Variants in OR6P1 observed in about 807,000 individuals in gnomAD.
OR6P1 encodes olfactory receptor family 6 subfamily P member 1, also known as olfactory receptor 6P1.
OR6P1 carries 5 observed loss-of-function variants against 6.6 expected under a neutral mutation model. The observed-to-expected ratio is 0.76, with a 90% CI of 0.40 to 1.60. The LOEUF (loss-of-function observed/expected upper bound fraction) is 1.60. OR6P1 is among the 40% of genes most tolerant of loss of function. OR6P1 has a pLI of 0.02. For synonymous variants in OR6P1, 177 were observed against 149.6 expected (o/e 1.18, Z -1.33); for missense variants, 451 against 383.0 (o/e 1.18, Z -1.48).
rs898088116 is a variant in OR6P1 at position 158,561,268 on chromosome 1, T to C, written c.*1383A>G. On this transcript the variant is annotated 3_prime_UTR_variant, in exon 3 of 3. Transcript: ENST00000641540. Reference sequence around the variant, plus strand: ...AATTCTATGAAAGGAGAGGAGAATGTAATGTAAATTGAGCTATGTTCAGAG... The same window carrying C: ...AATTCTATGAAAGGAGAGGAGAATGCAATGTAAATTGAGCTATGTTCAGAG... The C allele has an allele frequency of 3.3e-5, 5 of 152,202 alleles. No homozygotes were observed. Among genetic ancestry groups the C allele is most frequent in the African/African-American group, 9.6e-5 (4 of 41,462 alleles). The allele number at this position is 152,202 out of a possible 1,614,324, so 9.4% of individuals were successfully genotyped here. A position where few individuals can be genotyped will look rare whatever the true frequency, so the allele number is the denominator to read the frequency against.
intron 1 of OR6P1, among the ~76,000 whole-genome samples, chr1:158,568,964 G>A (rs1009402823): frequency 3.9e-5 from 6 of 152,032 alleles, no homozygotes; most frequent in Non-Finnish European, 1.5e-5. Context: ...CATAACCAAC[G>A]TATATTTATC....
intron 1 of OR6P1, among the ~76,000 whole-genome samples, chr1:158,569,204 C>T (rs1357813335): frequency 6.6e-6 from 1 of 152,148 alleles, no homozygotes; most frequent in African/African-American, 2.4e-5. Flanking sequence ...TATTGTAAAG[C>T]ACATTGGTGA....
rs1403559973 is a variant in OR6P1 at position 158,562,369 on chromosome 1, A to T, written c.*282T>A. 1 of 380,218 alleles carries T rather than the reference A, an allele frequency of 2.6e-6. No individual in the cohort carries two copies. The highest frequency in any genetic ancestry group is 4.8e-6 in the Non-Finnish European group (1 of 208,952). 23.6% of individuals were successfully genotyped at this position (380,218 alleles called of 1,614,324 possible). A position where few individuals can be genotyped will look rare whatever the true frequency, so the allele number is the denominator to read the frequency against. ...TGAATATTATTCACGGCAGGGTTAC[A>T]TTCCACACATACTCAGTAAGACTCT... On this transcript the variant is annotated 3_prime_UTR_variant, in exon 3 of 3. Coordinates refer to ENST00000641540, the MANE Select transcript of OR6P1 (RefSeq NM_001160325.2).
chr1:158,563,562 C>A lies in OR6P1; in HGVS notation c.43G>T (p.Val15Leu), dbSNP rs751766716. 1.9e-6 allele frequency: 3 copies of A among 1,550,158 alleles called. No homozygotes were observed. The highest frequency in any genetic ancestry group is 1.7e-4 in the Middle Eastern group (1 of 5,974). Residue 15 changes from valine (V) to leucine (L), a missense_variant, in exon 3 of 3, where the codon GTG becomes TTG. By Grantham distance (32) the Val-to-Leu change is conservative. Coordinates refer to ENST00000641540, the MANE Select transcript of OR6P1 (RefSeq NM_001160325.2). Reference sequence around the variant, plus strand: ...AGGGGAGGCGTGGTAGGGAAACCCACCAAGACAAACTCCTCGACATGGCCT... The same window carrying A: ...AGGGGAGGCGTGGTAGGGAAACCCAACAAGACAAACTCCTCGACATGGCCT... The part of the protein sequence containing the change: ...SGGHVEEFVL[V>L]GFPTTPPLQL...
chr1:158,563,381 T>A lies in OR6P1; in HGVS notation c.224A>T (p.Asn75Ile). The A allele has an allele frequency of 6.4e-7, 1 of 1,551,488 alleles. No individual in the cohort carries two copies. Among genetic ancestry groups the A allele is most frequent in the Non-Finnish European group, 8.7e-7 (1 of 1,146,908 alleles). ...TGCCAAGAGCCGAGGAATGGTGACA[T>A]TGATGTACCATAGCTCCAGGAAAGA... ...HLSFLELWYINVTIPRLLAAF... is the reference protein window; with the variant it reads ...HLSFLELWYIIVTIPRLLAAF... Residue 75 changes from asparagine (N) to isoleucine (I), a missense_variant, in exon 3 of 3, where the codon AAT becomes ATT. Coordinates refer to ENST00000641540, the MANE Select transcript of OR6P1 (RefSeq NM_001160325.2).
intron 1 of OR6P1, among the ~76,000 whole-genome samples, chr1:158,569,635 C>T (rs1002449826): frequency 5.3e-5 from 8 of 152,192 alleles, no homozygotes; most frequent in Admixed American, 1.3e-4. Flanking sequence ...AATAATAATT[C>T]ATTACTCTGT....
At position 158,563,236 on chromosome 1, in the gene OR6P1, G is replaced by GTAGC. The variant is rs1648005875; in HGVS notation, c.365_368dup (p.Tyr123Ter). The GTAGC allele has an allele frequency of 4.5e-6, 7 of 1,551,590 alleles. No homozygotes were observed. Among genetic ancestry groups the GTAGC allele is most frequent in the Non-Finnish European group, 5.2e-6 (6 of 1,146,968 alleles). On this transcript the variant is annotated stop_gained and frameshift_variant, in exon 3 of 3. Coordinates refer to ENST00000641540, the MANE Select transcript of OR6P1 (RefSeq NM_001160325.2). LOFTEE classifies it high-confidence loss of function. Reference sequence around the variant, plus strand: ...AAAGGAGGGGTCCACAGATGGCCAGGTAGCGATCATAGGCCATAACTGCCA... The same window carrying GTAGC: ...AAAGGAGGGGTCCACAGATGGCCAGGTAGCTAGCGATCATAGGCCATAACTGCCA...
chr1:158,561,745 A>C lies in OR6P1; in HGVS notation c.*906T>G, dbSNP rs1647958030. ...GAGACATCCCAATTGCCATAGAGAT[A>C]TCTGCATCCTATCTATGGCTCTTCA... On this transcript the variant is annotated 3_prime_UTR_variant, in exon 3 of 3. Transcript: ENST00000641540. 1 of 152,226 alleles carries C rather than the reference A, an allele frequency of 6.6e-6. No individual in the cohort carries two copies. The highest frequency in any genetic ancestry group is 2.1e-4 in the South Asian group (1 of 4,834). The allele number at this position is 152,226 out of a possible 1,614,324, so 9.4% of individuals were successfully genotyped here. A position where few individuals can be genotyped will look rare whatever the true frequency, so the allele number is the denominator to read the frequency against.
In OR6P1 at chr1:158,562,834, G is replaced by T. The variant is rs1003965398; in HGVS notation, c.771C>A (p.Phe257Leu). The change falls in exon 3 of 3, where the codon TTC (phenylalanine) becomes TTA (leucine). Residue 257 changes from phenylalanine (F) to leucine (L), a missense_variant. Phe to Leu is a conservative substitution (Grantham distance 22). Coordinates refer to ENST00000641540, the MANE Select transcript of OR6P1 (RefSeq NM_001160325.2). ...VVVIYYSSTL[F>L]TYARPRAMYT... ...ACATGGCCCGGGGCCGTGCATAGGT[G>T]AAGAGAGTGGAGGAGTAGTAGATAA... is the stretch of plus-strand genomic sequence containing the variant. 25 of 1,551,936 alleles carry T rather than the reference G, an allele frequency of 1.6e-5. No individual in the cohort carries two copies. Among genetic ancestry groups the T allele is most frequent in the African/African-American group, 2.7e-5 (2 of 73,054 alleles).
rs2101715437 is a variant in OR6P1 at position 158,562,399 on chromosome 1, A to G, written c.*252T>C. On this transcript the variant is annotated 3_prime_UTR_variant, in exon 3 of 3. Coordinates refer to ENST00000641540, the MANE Select transcript of OR6P1 (RefSeq NM_001160325.2). ...ACACATACTCAGTAAGACTCTCCAC[A>G]TATTTTTTTGGGGGAATCTGTATTT... is the stretch of plus-strand genomic sequence containing the variant. 6.4e-6 allele frequency: 3 copies of G among 467,504 alleles called. No homozygotes were observed. Among genetic ancestry groups the G allele is most frequent in the Non-Finnish European group, 7.7e-6 (2 of 259,568 alleles). 29.0% of individuals were successfully genotyped at this position (467,504 alleles called of 1,614,324 possible). A position where few individuals can be genotyped will look rare whatever the true frequency, so the allele number is the denominator to read the frequency against.
rs910871025 is a variant in OR6P1 at position 158,562,928 on chromosome 1, A to G, written c.677T>C (p.Leu226Pro). 6 of 1,551,742 alleles carry G rather than the reference A, an allele frequency of 3.9e-6. No homozygotes were observed. The highest frequency in any genetic ancestry group is 1.4e-5 in the African/African-American group (1 of 73,064). The change falls in exon 3 of 3, where the codon CTG (leucine) becomes CCG (proline). Residue 226 changes from leucine to proline, a missense_variant. Leu to Pro is a moderately conservative substitution (Grantham distance 98, BLOSUM62 -3). Transcript: ENST00000641540. ...SSYTAIIAAI[L>P]RIPTSRGRHK... Reference sequence around the variant, plus strand: ...GCGTCCCCTGGACGTAGGGATCCTCAGGATGGCTGCAATGATGGCAGTGTA... The same window carrying G: ...GCGTCCCCTGGACGTAGGGATCCTCGGGATGGCTGCAATGATGGCAGTGTA...
In OR6P1 at chr1:158,561,116, A is replaced by C. The variant is rs1277975320; in HGVS notation, c.*1535T>G. ...GGAAAGGGTATTATTTTTATTATCA[A>C]AGAGAAACTAAGAGCAGAGATGTAA... On this transcript the variant is annotated 3_prime_UTR_variant, in exon 3 of 3. Transcript: ENST00000641540. 3 of 152,206 alleles carry C rather than the reference A, an allele frequency of 2.0e-5. No individual in the cohort carries two copies. Among genetic ancestry groups the C allele is most frequent in the Admixed American group, 6.5e-5 (1 of 15,284 alleles). 9.4% of individuals were successfully genotyped at this position (152,206 alleles called of 1,614,324 possible). A position where few individuals can be genotyped will look rare whatever the true frequency, so the allele number is the denominator to read the frequency against.
chr1:158,564,861 TC>T lies in OR6P1; in HGVS notation c.-22-1236del, dbSNP rs1269911771. 1.8e-4 allele frequency among the ~76,000 whole-genome samples: 27 copies of T among 152,322 alleles called. No homozygotes were observed. The East Asian group carries it at 4.8e-3, about 27-fold the overall frequency. The stretch of plus-strand genomic sequence containing the variant: ...CAACCATTCTTCTATGCTTTTCCAG[TC>T]TTCTTTTAACATTGTCAGTGACCTG... On this transcript the variant is annotated intron_variant, in intron 2 of 2. Coordinates refer to ENST00000641540, the MANE Select transcript of OR6P1 (RefSeq NM_001160325.2).
chr1:158,562,770 T>C lies in OR6P1; in HGVS notation c.835A>G (p.Thr279Ala), dbSNP rs1647984634. Residue 279 changes from threonine to alanine, a missense_variant, in exon 3 of 3, where the codon ACT (threonine) becomes GCT (alanine). Thr to Ala is a moderately conservative substitution (Grantham distance 58). Coordinates refer to ENST00000641540, the MANE Select transcript of OR6P1 (RefSeq NM_001160325.2). The stretch of plus-strand genomic sequence containing the variant: ...GGGTTGAAGAATGGTACAATGATAG[T>C]GTAGAGCACAGAGATAATCTTGTTG... Reference protein sequence around the residue: ...NHNKIISVLYTIIVPFFNPAI... With the variant: ...NHNKIISVLYAIIVPFFNPAI... 1.3e-6 allele frequency: 2 copies of C among 1,553,954 alleles called. No homozygotes were observed. Among genetic ancestry groups the C allele is most frequent in the Non-Finnish European group, 1.7e-6 (2 of 1,148,178 alleles).
chr1:158,565,318 T>C (rs1648069861), intron 2 of OR6P1, among the ~76,000 whole-genome samples: 2 of 152,208 alleles, frequency 1.3e-5, no homozygotes, highest in Non-Finnish European at 2.9e-5. Flanking sequence ...GAAATCTAAA[T>C]ATCAGTGCTA....
rs1429360848 is a variant in OR6P1 at position 158,562,480 on chromosome 1, C to G, written c.*171G>C. 1 of 583,350 alleles carries G rather than the reference C, an allele frequency of 1.7e-6. No homozygotes were observed. The highest frequency in any genetic ancestry group is 2.9e-5 in the East Asian group (1 of 35,058). The allele number at this position is 583,350 out of a possible 1,614,324, so 36.1% of individuals were successfully genotyped here. On this transcript the variant is annotated 3_prime_UTR_variant, in exon 3 of 3. Coordinates refer to ENST00000641540, the MANE Select transcript of OR6P1 (RefSeq NM_001160325.2). ...TAGTCCAACCTTAGTTTGAAAACCC[C>G]TGTAAAAAATAAATGATTCATAAAG...
At position 158,562,081 on chromosome 1, in the gene OR6P1, G is replaced by A. The variant is rs1234499342; in HGVS notation, c.*570C>T. On this transcript the variant is annotated 3_prime_UTR_variant, in exon 3 of 3. Coordinates refer to ENST00000641540, the MANE Select transcript of OR6P1 (RefSeq NM_001160325.2). ...GCATCTCTCTCTGCTTTGACTTTCA[G>A]TGAATATGAGTTTTGTAGATAAGAT... The A allele has an allele frequency of 6.5e-6, 1 of 152,938 alleles. No individual in the cohort carries two copies. The highest frequency in any genetic ancestry group is 2.4e-5 in the African/African-American group (1 of 41,436). The allele number at this position is 152,938 out of a possible 1,614,324, so 9.5% of individuals were successfully genotyped here. A position where few individuals can be genotyped will look rare whatever the true frequency, so the allele number is the denominator to read the frequency against.
In OR6P1 at chr1:158,562,662, C is replaced by T. The variant is rs1647981892; in HGVS notation, c.943G>A (p.Val315Ile). The change falls in exon 3 of 3, where the codon GTT (valine) becomes ATT (isoleucine). Residue 315 changes from valine to isoleucine, a missense_variant. Val to Ile is a conservative substitution (Grantham distance 29). Coordinates refer to ENST00000641540, the MANE Select transcript of OR6P1 (RefSeq NM_001160325.2). ...AGACCTGTTGTATATCAGTCCTGAA[C>T]ATCCCTAGGATAGTGACATCTGCCC... The part of the protein sequence containing the change: ...VMGRCHYPRD[V>I]QD The T allele has an allele frequency of 2.6e-6, 4 of 1,549,296 alleles. No homozygotes were observed. Among genetic ancestry groups the T allele is most frequent in the African/African-American group, 1.4e-5 (1 of 73,136 alleles).
Position 158,562,840 on chromosome 1 carries a change from A to G in OR6P1, c.765T>C (p.Thr255=), listed in dbSNP as rs1482958947. Residue 255 remains threonine (T), a synonymous_variant, in exon 3 of 3, where the codon ACT becomes ACC. Transcript: ENST00000641540. ...LAVVVIYYSS[T]LFTYARPRAM... The stretch of plus-strand genomic sequence containing the variant: ...CCCGGGGCCGTGCATAGGTGAAGAG[A>G]GTGGAGGAGTAGTAGATAACAACCA... The G allele has an allele frequency of 1.3e-6, 2 of 1,551,866 alleles. No individual in the cohort carries two copies. The highest frequency in any genetic ancestry group is 1.7e-6 in the Non-Finnish European group (2 of 1,147,080).
Sources: gnomAD v4.1 joint callset for allele counts (sites outside exome capture counted in the v4.1 genomes callset) on GRCh38, gnomAD v4.1.1 for gene constraint, MANE v1.5 for transcripts, NCBI Gene and HGNC (gene_info 2026-07-23, HGNC 2026-07-21) for gene names.